PPP2R2A: variants seen among roughly 807,000 people sequenced by gnomAD.
The protein encoded by PPP2R2A is serine/threonine-protein phosphatase 2A 55 kDa regulatory subunit B alpha isoform.
In PPP2R2A, 9 loss-of-function variants were observed where a neutral mutation model predicts 53.2. The observed-to-expected ratio is 0.17, with a 90% CI of 0.10 to 0.30. PPP2R2A has a LOEUF of 0.30. PPP2R2A is among the 10% of genes least tolerant of loss of function. The pLI is 1.00. For synonymous variants in PPP2R2A, 169 were observed against 174.2 expected (o/e 0.97, Z 0.23); for missense variants, 235 against 534.6 (o/e 0.44, Z 5.53).
chr8:26,364,502 G>C (rs1805268576), intron 8 of PPP2R2A, among the ~76,000 whole-genome samples: 1 of 152,194 alleles, frequency 6.6e-6, no homozygotes, highest in Non-Finnish European at 1.5e-5. Context: ...TACACAGCCT[G>C]GAACAGGGTG....
At chr8:26,331,134 G>A (rs1803353175) in intron 2 of PPP2R2A, among the ~76,000 whole-genome samples, 2 of 152,112 alleles carry the variant, frequency 1.3e-5, no homozygotes, top group Non-Finnish European at 2.9e-5. Context: ...CCTTTACGTT[G>A]TAGCTGCTTT....
chr8:26,342,767 A>G (rs914295843), intron 3 of PPP2R2A, among the ~76,000 whole-genome samples: 2 of 152,234 alleles, frequency 1.3e-5, no homozygotes, highest in Non-Finnish European at 2.9e-5. Flanking sequence ...TGGTATTCCC[A>G]AAATTCCTTA....
At chr8:26,313,883 G>A (rs938241677) in intron 2 of PPP2R2A, among the ~76,000 whole-genome samples, 1 of 152,152 alleles carries the variant, frequency 6.6e-6, no homozygotes, top group Admixed American at 6.5e-5. Flanking sequence ...TTAACTGTAA[G>A]AGAAAAAAAT....
At position 26,363,910 on chromosome 8, in the gene PPP2R2A, C is replaced by G. The variant is rs1279036986; in HGVS notation, c.972+20C>G. The G allele has an allele frequency of 1.9e-6, 3 of 1,567,994 alleles. No individual in the cohort carries two copies. Among genetic ancestry groups the G allele is most frequent in the East Asian group, 2.3e-5 (1 of 44,050 alleles). On this transcript the variant is annotated intron_variant, in intron 8 of 9. Coordinates refer to ENST00000380737, the MANE Select transcript of PPP2R2A (RefSeq NM_002717.4). Reference sequence around the variant, plus strand: ...TACCAGGTATTTGAGTTTTTTCTTTCAATGAGCATATACCCTGTTTACTTT... The same window carrying G: ...TACCAGGTATTTGAGTTTTTTCTTTGAATGAGCATATACCCTGTTTACTTT...
intron 2 of PPP2R2A, among the ~76,000 whole-genome samples, chr8:26,324,070 C>G (rs1259190257): frequency 1.3e-5 from 2 of 152,226 alleles, no homozygotes; most frequent in Non-Finnish European, 2.9e-5. Flanking sequence ...CTACATTAAT[C>G]TCACTGGCTT....
In PPP2R2A at chr8:26,362,684, A is replaced by G; in HGVS notation, c.638A>G (p.Asn213Ser). 1 of 1,613,488 alleles carries G rather than the reference A, an allele frequency of 6.2e-7. No individual in the cohort carries two copies. Among genetic ancestry groups the G allele is most frequent in the Non-Finnish European group, 8.5e-7 (1 of 1,179,636 alleles). ...WHLEITDRSF[N>S]IVDIKPANME... ...AATTCCTTAATAAAATGTTATCTAGACATTGTGGATATCAAGCCTGCCAAT... is the reference window on the plus strand; with the variant it reads ...AATTCCTTAATAAAATGTTATCTAGGCATTGTGGATATCAAGCCTGCCAAT... The change falls in exon 7 of 10, where the codon AAC (asparagine) becomes AGC (serine). Residue 213 changes from asparagine to serine, a missense_variant and splice_region_variant. Asn to Ser is a conservative substitution (Grantham distance 46). Around this residue, in one of 3 missense-constraint regions of PPP2R2A, gnomAD observed 181 missense variants for 409.9 expected, o/e 0.44. Coordinates refer to ENST00000380737, the MANE Select transcript of PPP2R2A (RefSeq NM_002717.4). This position sits in a 1 kb window ranked among gnomAD's most constrained non-coding sequence, Gnocchi z 4.4.
chr8:26,329,746 G>GT (rs1311437875), intron 2 of PPP2R2A, among the ~76,000 whole-genome samples: 1 of 152,136 alleles, frequency 6.6e-6, no homozygotes, highest in Non-Finnish European at 1.5e-5. Flanking sequence ...CTTACCAAGG[G>GT]TTTTTTCAGG....
chr8:26,328,511 A>C (rs1803207871), intron 2 of PPP2R2A, among the ~76,000 whole-genome samples: 1 of 152,162 alleles, frequency 6.6e-6, no homozygotes, highest in Non-Finnish European at 1.5e-5. Context: ...CTATTATCAA[A>C]GTTTCCATGG....
chr8:26,293,227 T>C, intron 1 of PPP2R2A: 1 of 1,535,752 alleles, frequency 6.5e-7, no homozygotes, highest in Non-Finnish European at 8.7e-7. Flanking sequence ...TATGAATCAT[T>C]ACTCCTTACC....
At chr8:26,315,578 T>C (rs1418911351) in intron 2 of PPP2R2A, among the ~76,000 whole-genome samples, 3 of 152,224 alleles carry the variant, frequency 2.0e-5, no homozygotes, top group Non-Finnish European at 2.9e-5. Context: ...GTCTAGCTTC[T>C]CTGTGTCTTG....
intron 2 of PPP2R2A, among the ~76,000 whole-genome samples, chr8:26,309,114 G>A (rs1802158603): frequency 6.6e-6 from 1 of 152,138 alleles, no homozygotes; most frequent in African/African-American, 2.4e-5. Flanking sequence ...ACTCACCTTG[G>A]CCTCCCAAAG....
chr8:26,360,035 T>C lies in PPP2R2A; in HGVS notation c.347-134T>C. ...ATTCAGCTGATAATAGGAAATTTTT[T>C]AGTAAGTTCAGATTAGGGTTTTTTT... On this transcript the variant is annotated intron_variant, in intron 4 of 9. Transcript: ENST00000380737. The surrounding 1 kb of genome is among the most constrained non-coding windows in gnomAD (Gnocchi z 4.5). The C allele has an allele frequency of 1.9e-6, 1 of 518,314 alleles. No homozygotes were observed. The highest frequency in any genetic ancestry group is 2.0e-5 in the African/African-American group (1 of 50,482). The allele number at this position is 518,314 out of a possible 1,614,324, so 32.1% of individuals were successfully genotyped here.
intron 3 of PPP2R2A, among the ~76,000 whole-genome samples, chr8:26,344,377 A>G (rs981235251): frequency 2.0e-5 from 3 of 152,214 alleles, no homozygotes; most frequent in East Asian, 1.9e-4. Context: ...AATGCTGGCT[A>G]TTGATATTAA....
intron 7 of PPP2R2A, 193 bp downstream of exon 7, chr8:26,363,041 A>G (rs534340255): frequency 5.0e-5 from 27 of 541,406 alleles, no homozygotes; most frequent in South Asian, 4.5e-4. Flanking sequence ...CTTGGGGGGC[A>G]TGTCTATTGA....
intron 3 of PPP2R2A, among the ~76,000 whole-genome samples, chr8:26,343,812 C>T (rs921971097): frequency 5.3e-5 from 8 of 152,154 alleles, no homozygotes; most frequent in African/African-American, 1.9e-4. Flanking sequence ...TTCTGTTTGA[C>T]AGAGTCACAA....
chr8:26,355,868 CAAAA>C (rs35574078), intron 4 of PPP2R2A, among the ~76,000 whole-genome samples: 3 of 130,400 alleles, frequency 2.3e-5, no homozygotes, highest in Non-Finnish European at 1.6e-5. Context: ...AGACTCGTCT[CAAAA>C]AAAAAAAAAA....
rs142549150 is a variant in PPP2R2A, at chr8:26,318,648, G to A, written c.83-20242G>A. Among the ~76,000 whole-genome samples the A allele has an allele frequency of 2.0e-4, 30 of 152,204 alleles. 1 individual carries two copies. The highest frequency in any genetic ancestry group is 6.0e-4 in the African/African-American group (25 of 41,522). On this transcript the variant is annotated intron_variant, in intron 2 of 9. Coordinates refer to ENST00000380737, the MANE Select transcript of PPP2R2A (RefSeq NM_002717.4). ...GATACCTCCAATTTAAATTGATACC[G>A]CAGGGTTATTCCTTACTTCCCTCAT...
chr8:26,336,011 C>G (rs1360362955), intron 2 of PPP2R2A, among the ~76,000 whole-genome samples: 1 of 152,222 alleles, frequency 6.6e-6, no homozygotes, highest in Non-Finnish European at 1.5e-5. Flanking sequence ...CCTTCCTCTT[C>G]CATTCACATG....
intron 3 of PPP2R2A, among the ~76,000 whole-genome samples, chr8:26,351,688 A>C (rs1270501287): frequency 6.6e-6 from 1 of 152,204 alleles, no homozygotes; most frequent in African/African-American, 2.4e-5. Flanking sequence ...TAGTGAAAAG[A>C]CCATCCTTTC....
Sources: gnomAD v4.1 joint callset for allele counts (sites outside exome capture counted in the v4.1 genomes callset) on GRCh38, gnomAD v4.1.1 for gene constraint, gnomAD v4.1.1 regional missense constraint, Gnocchi (gnomAD v3.1) non-coding constraint, MANE v1.5 for transcripts, NCBI Gene and HGNC (gene_info 2026-07-23, HGNC 2026-07-21) for gene names.